TRRAP: variants seen among roughly 807,000 people sequenced by gnomAD.
TRRAP encodes the protein transformation/transcription domain associated protein.
Under a neutral mutation model 438.8 loss-of-function variants are expected in TRRAP, and 41 were observed. The ratio of observed to expected loss-of-function variants is 0.09; its 90% CI spans 0.07 to 0.12. The LOEUF (loss-of-function observed/expected upper bound fraction) is 0.12. TRRAP is among the 10% of genes least tolerant of loss of function. The pLI is 1.00. For synonymous variants in TRRAP, 1,994 were observed against 1,962.9 expected (o/e 1.02, Z -0.42); for missense variants, 3,122 against 5,055.1 (o/e 0.62, Z 11.60).
At chr7:98,944,106 C>T (rs1790930591) in intron 31 of TRRAP, among the ~76,000 whole-genome samples, 2 of 152,168 alleles carry the variant, frequency 1.3e-5, no homozygotes, top group Non-Finnish European at 2.9e-5. Context: ...ATCAGGAACT[C>T]TTCGTGGAGG....
In TRRAP at chr7:98,949,686, T is replaced by C; in HGVS notation, c.4980T>C (p.Asp1660=). The stretch of plus-strand genomic sequence containing the variant: ...TCATAAGCATTATAGTGAAAAACGA[T>C]GACTCCTGGCTGGCCAGCCAGCACT... ...IKIISIIVKN[D]DSWLASQHSL... The change falls in exon 37 of 73, where the codon GAT becomes GAC. Residue 1660 remains aspartate, a synonymous_variant. Transcript: ENST00000456197. 2 of 1,613,696 alleles carry C rather than the reference T, an allele frequency of 1.2e-6. No homozygotes were observed. Among genetic ancestry groups the C allele is most frequent in the Non-Finnish European group, 1.7e-6 (2 of 1,179,878 alleles).
intron 11 of TRRAP, among the ~76,000 whole-genome samples, chr7:98,901,896 G>A (rs997044299): frequency 6.6e-6 from 1 of 152,166 alleles, no homozygotes; most frequent in Non-Finnish European, 1.5e-5. Context: ...CCCTCTTTAA[G>A]TGTACAATTA....
Position 98,908,673 on chromosome 7 carries a change from C to T in TRRAP, c.1116-55C>T. ...AGATGGTGATATCCTTGGTGGCCTG[C>T]TGCAGCAGGCATGGCCACGTGGGAA... On this transcript the variant is annotated intron_variant, in intron 13 of 72. Coordinates refer to ENST00000456197, the MANE Select transcript of TRRAP (RefSeq NM_001375524.1). The surrounding 1 kb of genome is among the most constrained non-coding windows in gnomAD (Gnocchi z 4.1). 2 of 1,498,868 alleles carry T rather than the reference C, an allele frequency of 1.3e-6. No individual in the cohort carries two copies. Among genetic ancestry groups the T allele is most frequent in the Non-Finnish European group, 1.8e-6 (2 of 1,113,728 alleles). 92.8% of individuals were successfully genotyped at this position (1,498,868 alleles called of 1,614,324 possible).
intron 35 of TRRAP, 78 bp from the exon 36 acceptor site, chr7:98,949,339 A>T: frequency 7.3e-7 from 1 of 1,362,978 alleles, no homozygotes; most frequent in East Asian, 2.7e-5. Flanking sequence ...AGATTTAGAA[A>T]GATTTAACAT....
chr7:98,926,163 T>C (rs1340965698), intron 22 of TRRAP, among the ~76,000 whole-genome samples: 1 of 151,432 alleles, frequency 6.6e-6, no homozygotes. Flanking sequence ...GTAAGAGACA[T>C]GAAGAGTAGA....
Position 99,012,802 on chromosome 7 carries a change from C to T in TRRAP, c.*447C>T, listed in dbSNP as rs1794483526. On this transcript the variant is annotated 3_prime_UTR_variant, in exon 73 of 73. Transcript: ENST00000456197. The surrounding 1 kb of genome is among the most constrained non-coding windows in gnomAD (Gnocchi z 5.9). ...CTTTGTAACAAGTGTACAGAAAACTCATTTTGTTTGAGAAACAGGAGTTGA... is the reference window on the plus strand; with the variant it reads ...CTTTGTAACAAGTGTACAGAAAACTTATTTTGTTTGAGAAACAGGAGTTGA... The T allele has an allele frequency of 6.3e-6, 1 of 158,402 alleles. No homozygotes were observed. The highest frequency in any genetic ancestry group is 2.4e-5 in the African/African-American group (1 of 41,580). 9.8% of individuals were successfully genotyped at this position (158,402 alleles called of 1,614,324 possible).
chr7:98,971,893 A>G lies in TRRAP; in HGVS notation c.7787A>G (p.His2596Arg), dbSNP rs773419042. The change falls in exon 53 of 73, where the codon CAC (histidine) becomes CGC (arginine). Residue 2596 changes from histidine to arginine, a missense_variant. Physicochemically the swap from His to Arg is conservative, Grantham distance 29. Around this residue, in one of 24 missense-constraint regions of TRRAP, gnomAD observed 992 missense variants for 1,281.2 expected, o/e 0.77. Transcript: ENST00000456197. The part of the protein sequence containing the change: ...LSEKDIGNQL[H>R]MLTNRHDKFL... ...GAAAAGGACATTGGAAACCAGCTGC[A>G]CATGCTAACCAACAGGCACGACAAG... The G allele has an allele frequency of 1.2e-5, 19 of 1,614,258 alleles. No individual in the cohort carries two copies. The highest frequency in any genetic ancestry group is 1.6e-5 in the Non-Finnish European group (19 of 1,180,042).
rs187590184 is a variant in TRRAP, at chr7:98,907,090, G to A, written c.1115+835G>A. 1.7e-3 allele frequency among the ~76,000 whole-genome samples: 253 copies of A among 151,862 alleles called. 2 individuals carry two copies. The highest frequency in any genetic ancestry group is 5.8e-3 in the African/African-American group (239 of 41,432). Reference sequence around the variant, plus strand: ...TGTAATCCCAGCACTTTGGGAGGCCGAGGCGGGCAGATCACCTGAGGTCGG... The same window carrying A: ...TGTAATCCCAGCACTTTGGGAGGCCAAGGCGGGCAGATCACCTGAGGTCGG... On this transcript the variant is annotated intron_variant, in intron 13 of 72. Coordinates refer to ENST00000456197, the MANE Select transcript of TRRAP (RefSeq NM_001375524.1).
chr7:98,976,923 T>G lies in TRRAP; in HGVS notation c.8248-16T>G. On this transcript the variant is annotated splice_polypyrimidine_tract_variant and intron_variant, in intron 55 of 72. Transcript: ENST00000456197. The surrounding 1 kb of genome is among the most constrained non-coding windows in gnomAD (Gnocchi z 4.6). ...CTCTGTCTCAAGCACTCAGGAACCT[T>G]ACTTTGTGTTTTCAGGAGATACTGG... is the stretch of plus-strand genomic sequence containing the variant. 1 of 1,613,944 alleles carries G rather than the reference T, an allele frequency of 6.2e-7. No homozygotes were observed. Among genetic ancestry groups the G allele is most frequent in the Middle Eastern group, 1.6e-4 (1 of 6,062 alleles).
In TRRAP at chr7:99,007,752, G is replaced by A. The variant is rs1303567371; in HGVS notation, c.10754-625G>A. On this transcript the variant is annotated intron_variant, in intron 69 of 72. Transcript: ENST00000456197. ...CAGCCTCCAACTCCTGGGCTCAAGC[G>A]ATTCTCCCACCTCAGCCTCCCGAGT... Among the ~76,000 whole-genome samples, 25 of 148,292 alleles carry A rather than the reference G, an allele frequency of 1.7e-4. No homozygotes were observed. In the South Asian group the frequency reaches 4.8e-3, roughly 28 times the overall value.
At position 98,961,369 on chromosome 7, in the gene TRRAP, C is replaced by T. The variant is rs748882667; in HGVS notation, c.6598C>T (p.Leu2200=). The T allele has an allele frequency of 1.2e-6, 2 of 1,614,116 alleles. No homozygotes were observed. The highest frequency in any genetic ancestry group is 2.2e-5 in the East Asian group (1 of 44,898). ...AGCCATCCTCAGTAGCTTCAAACCTCTGCAGCGTGGAATTGCCGCCTGCAT... is the reference window on the plus strand; with the variant it reads ...AGCCATCCTCAGTAGCTTCAAACCTTTGCAGCGTGGAATTGCCGCCTGCAT... ...SPAILSSFKP[L]QRGIAACMTC... The change falls in exon 46 of 73, where the codon CTG becomes TTG. Residue 2200 remains leucine, a synonymous_variant. Coordinates refer to ENST00000456197, the MANE Select transcript of TRRAP (RefSeq NM_001375524.1).
In TRRAP at chr7:98,948,351, T is replaced by C. The variant is rs1791179717; in HGVS notation, c.4668+11T>C. The C allele has an allele frequency of 1.2e-6, 2 of 1,614,132 alleles. No homozygotes were observed. Among genetic ancestry groups the C allele is most frequent in the African/African-American group, 1.3e-5 (1 of 75,040 alleles). Reference sequence around the variant, plus strand: ...GCGATGCTGATCGAGGTAAGGGCCATACTGAAGGCTGCTTCTCGCTCTGCC... The same window carrying C: ...GCGATGCTGATCGAGGTAAGGGCCACACTGAAGGCTGCTTCTCGCTCTGCC... On this transcript the variant is annotated intron_variant, in intron 34 of 72. Transcript: ENST00000456197. The surrounding 1 kb of genome is among the most constrained non-coding windows in gnomAD (Gnocchi z 4.9).
rs373512690 is a variant in TRRAP at position 98,910,612 on chromosome 7, G to A, written c.1812+5G>A. On this transcript the variant is annotated splice_donor_5th_base_variant and intron_variant, in intron 16 of 72. Transcript: ENST00000456197. ...CAAGCTTTAGATATTTATCAGGTAA[G>A]GAAGTGCCCTCCAGCCAGGCTTTCG... The A allele has an allele frequency of 3.7e-5, 60 of 1,607,676 alleles. No homozygotes were observed. Among genetic ancestry groups the A allele is most frequent in the Non-Finnish European group, 5.1e-5 (60 of 1,177,290 alleles).
intron 8 of TRRAP, among the ~76,000 whole-genome samples, chr7:98,898,205 C>T (rs1244162045): frequency 2.6e-5 from 4 of 152,202 alleles, no homozygotes; most frequent in South Asian, 2.1e-4. Flanking sequence ...GCATATAGCT[C>T]AGTGACTGAG....
At chr7:98,927,473 C>G in intron 23 of TRRAP, 107 bp downstream of exon 23, 1 of 1,385,776 alleles carries the variant, frequency 7.2e-7, no homozygotes, top group South Asian at 1.4e-5. Context: ...CTGAGTTTGG[C>G]TGATTGATTT....
At chr7:98,964,797 G>T in intron 48 of TRRAP, 22 bp downstream of exon 48, 5 of 1,604,718 alleles carry the variant, frequency 3.1e-6, no homozygotes, top group Middle Eastern at 1.7e-4. Context: ...GCCACCGGGG[G>T]CCTTTCCTCA....
intron 1 of TRRAP, among the ~76,000 whole-genome samples, chr7:98,880,523 A>C (rs1795381068): frequency 6.6e-6 from 1 of 152,000 alleles, no homozygotes; most frequent in Non-Finnish European, 1.5e-5. Flanking sequence ...TCGCCTTCCA[A>C]AGTGCTGGGA....
At chr7:98,977,166 C>T (rs573445833) in intron 56 of TRRAP, 90 bp downstream of exon 56, 44 of 1,560,738 alleles carry the variant, frequency 2.8e-5, no homozygotes, top group African/African-American at 1.9e-4. Flanking sequence ...TCGGAGTTCA[C>T]GTTCTCTTTT....
chr7:98,921,777 C>T lies in TRRAP; in HGVS notation c.2647C>T (p.Pro883Ser). 6.2e-7 allele frequency: 1 copy of T among 1,614,158 alleles called. No homozygotes were observed. Among genetic ancestry groups the T allele is most frequent in the Non-Finnish European group, 8.5e-7 (1 of 1,180,034 alleles). The change falls in exon 21 of 73, where the codon CCT (proline) becomes TCT (serine). Residue 883 changes from proline to serine, a missense_variant. Coordinates refer to ENST00000456197, the MANE Select transcript of TRRAP (RefSeq NM_001375524.1). ...GGCTCTGTGGCGCACCTTACGCAAC[C>T]CTGCTGACAGCATCTCCCACGTGGC... ...MQALWRTLRN[P>S]ADSISHVAYR...
Sources: gnomAD v4.1 joint callset for allele counts (sites outside exome capture counted in the v4.1 genomes callset) on GRCh38, gnomAD v4.1.1 for gene constraint, gnomAD v4.1.1 regional missense constraint, Gnocchi (gnomAD v3.1) non-coding constraint, MANE v1.5 for transcripts, NCBI Gene and HGNC (gene_info 2026-07-23, HGNC 2026-07-21) for gene names.